NFIX: variants seen among roughly 807,000 people sequenced by gnomAD.
NFIX encodes nuclear factor I X.
A neutral mutation model predicts 53.3 loss-of-function variants in NFIX; 2 were observed. The observed-to-expected ratio is 0.04, with a 90% CI of 0.02 to 0.12. The LOEUF (loss-of-function observed/expected upper bound fraction) is 0.12. Among genes scored for constraint, NFIX ranks in the 10% least tolerant of loss-of-function variants. NFIX has a pLI of 1.00. For synonymous variants in NFIX, 244 were observed against 289.0 expected, an observed-to-expected ratio of 0.84 and a Z score of 1.58; for missense variants, 310 against 674.5, an observed-to-expected ratio of 0.46 and a Z score of 5.99.
chr19:13,035,346 C>G (rs1408551942), intron 2 of NFIX, among the ~76,000 whole-genome samples: 1 of 152,206 alleles, frequency 6.6e-6, no homozygotes, highest in Non-Finnish European at 1.5e-5. Context: ...GAACTGTAAG[C>G]CTGCCTCCAA....
At chr19:13,023,275 C>G (rs1298120742) in intron 1 of NFIX, among the ~76,000 whole-genome samples, 1 of 151,876 alleles carries the variant, frequency 6.6e-6, no homozygotes, top group South Asian at 2.1e-4. Flanking sequence ...CACGCCCCAT[C>G]CCATCCACGT....
At chr19:13,046,205 C>T (rs1233703847) in intron 2 of NFIX, among the ~76,000 whole-genome samples, 3 of 152,158 alleles carry the variant, frequency 2.0e-5, no homozygotes, top group Non-Finnish European at 2.9e-5. Flanking sequence ...AAGGAGTTCT[C>T]GGGAAAGAGG....
Position 13,078,183 on chromosome 19 carries a change from A to G in NFIX, c.956-430A>G, listed in dbSNP as rs1394204073. On this transcript the variant is annotated intron_variant, in intron 6 of 10. Coordinates refer to ENST00000592199, the MANE Select transcript of NFIX (RefSeq NM_001365902.3). This position sits in a 1 kb window ranked among gnomAD's most constrained non-coding sequence, Gnocchi z 4.7. ...CTCCCATGGCCCCGGGCACCATGGC[A>G]TAGACCCCAGCCTGTCCCTCCCAAA... Among the ~76,000 whole-genome samples the G allele has an allele frequency of 6.6e-6, 1 of 152,066 alleles. No homozygotes were observed. Among genetic ancestry groups the G allele is most frequent in the Non-Finnish European group, 1.5e-5 (1 of 67,970 alleles).
Position 13,043,581 on chromosome 19 carries a change from G to A in NFIX, c.559+18029G>A, listed in dbSNP as rs1488756833. On this transcript the variant is annotated intron_variant, in intron 2 of 10. Transcript: ENST00000592199. The surrounding 1 kb of genome is among the most constrained non-coding windows in gnomAD (Gnocchi z 4.0). ...GGTCGCACATGTCCTCCCAGGACTT[G>A]AAGGGGGACCAGGGGAGGGTGAGCT... Among the ~76,000 whole-genome samples, 1 of 152,230 alleles carries A rather than the reference G, an allele frequency of 6.6e-6. No individual in the cohort carries two copies. Among genetic ancestry groups the A allele is most frequent in the Non-Finnish European group, 1.5e-5 (1 of 68,028 alleles).
Position 13,045,740 on chromosome 19 carries a change from G to A in NFIX, c.559+20188G>A, listed in dbSNP as rs1012263294. Among the ~76,000 whole-genome samples the A allele has an allele frequency of 4.6e-5, 7 of 152,160 alleles. No homozygotes were observed. The highest frequency in any genetic ancestry group is 1.9e-4 in the East Asian group (1 of 5,198). ...CCACAGGCTGTGGTTGCGCCTGTCCGTTCTCCCTCCCTTTTCTCGTAGGCT... is the reference window on the plus strand; with the variant it reads ...CCACAGGCTGTGGTTGCGCCTGTCCATTCTCCCTCCCTTTTCTCGTAGGCT... On this transcript the variant is annotated intron_variant, in intron 2 of 10. Coordinates refer to ENST00000592199, the MANE Select transcript of NFIX (RefSeq NM_001365902.3). The surrounding 1 kb of genome is among the most constrained non-coding windows in gnomAD (Gnocchi z 4.4).
rs569940138 is a variant in NFIX at position 13,005,639 on chromosome 19, G to A, written c.27+9775G>A. Among the ~76,000 whole-genome samples, 16 of 152,264 alleles carry A rather than the reference G, an allele frequency of 1.1e-4. No homozygotes were observed. The East Asian group carries it at 2.9e-3, about 28-fold the overall frequency. ...GGTATCCAGTGCTAGGGTCAAGGGC[G>A]GGGAGCTCTTTCTTCAAGATCGTCA... On this transcript the variant is annotated intron_variant, in intron 1 of 10. Transcript: ENST00000592199. The surrounding 1 kb of genome is among the most constrained non-coding windows in gnomAD (Gnocchi z 4.7).
In NFIX at chr19:13,037,700, G is replaced by A. The variant is rs533214751; in HGVS notation, c.559+12148G>A. ...ACCTCGGTAAACCCCTCAGTCTCCAGCAAACTGGGATTGTTGGTCACCCTA... is the reference window on the plus strand; with the variant it reads ...ACCTCGGTAAACCCCTCAGTCTCCAACAAACTGGGATTGTTGGTCACCCTA... On this transcript the variant is annotated intron_variant, in intron 2 of 10. Transcript: ENST00000592199. This position sits in a 1 kb window ranked among gnomAD's most constrained non-coding sequence, Gnocchi z 4.2. 2.8e-4 allele frequency among the ~76,000 whole-genome samples: 43 copies of A among 152,264 alleles called. 1 individual carries two copies. The South Asian group carries it at 8.5e-3, about 30-fold the overall frequency.
At chr19:13,059,021 T>C (rs2015889614) in intron 2 of NFIX, among the ~76,000 whole-genome samples, 1 of 152,146 alleles carries the variant, frequency 6.6e-6, no homozygotes, top group African/African-American at 2.4e-5. Context: ...CCTCCTCTCA[T>C]CTTAGTCCTC....
At chr19:13,041,759 A>G (rs1337543539) in intron 2 of NFIX, among the ~76,000 whole-genome samples, 4 of 148,916 alleles carry the variant, frequency 2.7e-5, no homozygotes, top group Admixed American at 6.7e-5. Context: ...GTGCCACTGC[A>G]CTCCAGCCTG....
At chr19:13,065,264 CAG>C (rs1480767130) in intron 2 of NFIX, among the ~76,000 whole-genome samples, 1 of 152,194 alleles carries the variant, frequency 6.6e-6, no homozygotes, top group African/African-American at 2.4e-5. Context: ...GCTCAGAGGA[CAG>C]GGGAAGCAGA....
intron 7 of NFIX, among the ~76,000 whole-genome samples, chr19:13,080,727 G>T (rs935948277): frequency 6.6e-6 from 1 of 152,190 alleles, no homozygotes; most frequent in East Asian, 1.9e-4. Context: ...CTGGCTGGGC[G>T]CGGTGTCTCA....
rs1448242462 is a variant in NFIX at position 12,996,582 on chromosome 19, C to G, written c.27+718C>G. Reference sequence around the variant, plus strand: ...GCCGCGCCTCTCCGACCCCGGACGTCGCAGCCTCTGCCCCCCCACCCCCAA... The same window carrying G: ...GCCGCGCCTCTCCGACCCCGGACGTGGCAGCCTCTGCCCCCCCACCCCCAA... On this transcript the variant is annotated intron_variant, in intron 1 of 10. Transcript: ENST00000592199. The surrounding 1 kb of genome is among the most constrained non-coding windows in gnomAD (Gnocchi z 5.2). Among the ~76,000 whole-genome samples, 1 of 152,170 alleles carries G rather than the reference C, an allele frequency of 6.6e-6. No individual in the cohort carries two copies. The highest frequency in any genetic ancestry group is 1.5e-5 in the Non-Finnish European group (1 of 68,010).
At chr19:13,044,686 G>A (rs1322746888) in intron 2 of NFIX, among the ~76,000 whole-genome samples, 1 of 152,132 alleles carries the variant, frequency 6.6e-6, no homozygotes, top group Non-Finnish European at 1.5e-5. Context: ...TTTCCCGTTC[G>A]CTCAGCAGCT....
rs1289419658 is a variant in NFIX at position 13,094,542 on chromosome 19, AC to A, written c.1495-90del. On this transcript the variant is annotated intron_variant, in intron 10 of 10. Coordinates refer to ENST00000592199, the MANE Select transcript of NFIX (RefSeq NM_001365902.3). The surrounding 1 kb of genome is among the most constrained non-coding windows in gnomAD (Gnocchi z 4.3). ...GGCACCCTGGCTCTTTGGGAGCTGG[AC>A]CCTTGAGGGGCCAGGTCACTGGGCC... The A allele has an allele frequency of 2.2e-6, 3 of 1,338,304 alleles. No individual in the cohort carries two copies. Among genetic ancestry groups the A allele is most frequent in the Non-Finnish European group, 3.1e-6 (3 of 974,628 alleles). The allele number at this position is 1,338,304 out of a possible 1,614,324, so 82.9% of individuals were successfully genotyped here. A position where few individuals can be genotyped will look rare whatever the true frequency, so the allele number is the denominator to read the frequency against.
At chr19:13,008,856 C>G (rs1213923181) in intron 1 of NFIX, among the ~76,000 whole-genome samples, 1 of 152,184 alleles carries the variant, frequency 6.6e-6, no homozygotes, top group East Asian at 1.9e-4. Context: ...CCCATCACCT[C>G]CAAGGTTTGC....
intron 1 of NFIX, among the ~76,000 whole-genome samples, chr19:13,000,125 G>T (rs1206992919): frequency 6.6e-6 from 1 of 152,226 alleles, no homozygotes; most frequent in Non-Finnish European, 1.5e-5. Flanking sequence ...CAAGGGCTAG[G>T]CTTTGCCGTC....
rs937626697 is a variant in NFIX, at chr19:13,028,650, G to A, written c.559+3098G>A. Among the ~76,000 whole-genome samples, 8 of 152,220 alleles carry A rather than the reference G, an allele frequency of 5.3e-5. No homozygotes were observed. The highest frequency in any genetic ancestry group is 1.4e-4 in the African/African-American group (6 of 41,450). ...AAGGAGTCTGTCTGTGTGTCTGTCT[G>A]TGTTTAGGAAGGGAGGTTGAGGCAG... On this transcript the variant is annotated intron_variant, in intron 2 of 10. Transcript: ENST00000592199. The surrounding 1 kb of genome is among the most constrained non-coding windows in gnomAD (Gnocchi z 4.2).
At chr19:13,085,757 A>T (rs138328939) in intron 8 of NFIX, among the ~76,000 whole-genome samples, 1 of 152,332 alleles carries the variant, frequency 6.6e-6, no homozygotes, top group East Asian at 1.9e-4. Context: ...GATGCTGGTC[A>T]TCGTGGTAAA....
intron 2 of NFIX, among the ~76,000 whole-genome samples, chr19:13,034,856 A>C (rs115822219): frequency 0.12 from 17,590 of 152,044 alleles, 2,045 homozygotes; most frequent in African/African-American, 0.3. Context: ...TGTGTCCATG[A>C]TAATTAGACA....
Sources: gnomAD v4.1 joint callset for allele counts (sites outside exome capture counted in the v4.1 genomes callset) on GRCh38, gnomAD v4.1.1 for gene constraint, Gnocchi (gnomAD v3.1) non-coding constraint, MANE v1.5 for transcripts, NCBI Gene and HGNC (gene_info 2026-07-23, HGNC 2026-07-21) for gene names.